Variants in FAF1 observed in about 807,000 individuals in gnomAD.
The protein encoded by FAF1 is Fas associated factor 1, also known as FAS-associated factor 1.
A neutral mutation model predicts 92.5 loss-of-function variants in FAF1; 25 were observed. The ratio of observed to expected loss-of-function variants is 0.27; its 90% CI spans 0.20 to 0.38. The LOEUF (loss-of-function observed/expected upper bound fraction) is 0.38, where lower values mean the gene tolerates loss of function less well. Among genes scored for constraint, FAF1 ranks in the 10% least tolerant of loss-of-function variants. FAF1 has a pLI of 1.00. For synonymous variants in FAF1, 234 were observed against 273.2 expected (o/e 0.86, Z 1.42); for missense variants, 636 against 793.3 (o/e 0.80, Z 2.38).
intron 18 of FAF1, among the ~76,000 whole-genome samples, chr1:50,444,419 T>C (rs1004592884): frequency 6.6e-6 from 1 of 152,204 alleles, no homozygotes; most frequent in Non-Finnish European, 1.5e-5. Flanking sequence ...CAGCCCTCTT[T>C]GAATATCTGA....
At chr1:50,518,982 A>C (rs939430068) in intron 15 of FAF1, among the ~76,000 whole-genome samples, 8 of 152,120 alleles carry the variant, frequency 5.3e-5, no homozygotes, top group African/African-American at 1.9e-4. Flanking sequence ...CAAGCAGTGA[A>C]TTTCTTCAGT....
At position 50,531,477 on chromosome 1, in the gene FAF1, A is replaced by C. The variant is rs893941657; in HGVS notation, c.1494+3892T>G. 5.3e-5 allele frequency among the ~76,000 whole-genome samples: 8 copies of C among 152,292 alleles called. No homozygotes were observed. The East Asian group carries it at 7.7e-4, about 15-fold the overall frequency. ...TGTTAGGAAGCATCTATTATTTGGAATCAGGCTTTAGGCAAAAATAGATTC... is the reference window on the plus strand; with the variant it reads ...TGTTAGGAAGCATCTATTATTTGGACTCAGGCTTTAGGCAAAAATAGATTC... On this transcript the variant is annotated intron_variant, in intron 15 of 18. Coordinates refer to ENST00000396153, the MANE Select transcript of FAF1 (RefSeq NM_007051.3).
rs559219997 is a variant in FAF1, at chr1:50,618,772, A to G, written c.745-22556T>C. 2.8e-3 allele frequency among the ~76,000 whole-genome samples: 422 copies of G among 149,476 alleles called. 1 individual carries two copies. The highest frequency in any genetic ancestry group is 6.5e-3 in the Admixed American group (98 of 15,002). ...GCTTGCTTTTTTTTTTTTTTGAGAC[A>G]GAGTCTCACTCTGTCGCCCAGGCTG... On this transcript the variant is annotated intron_variant, in intron 8 of 18. Transcript: ENST00000396153.
intron 2 of FAF1, among the ~76,000 whole-genome samples, chr1:50,845,282 C>T (rs1332169338): frequency 1.3e-5 from 2 of 152,204 alleles, no homozygotes; most frequent in Non-Finnish European, 2.9e-5. Context: ...CGTAAGGATA[C>T]CCAGTATTCT....
At chr1:50,846,984 C>T (rs912152517) in intron 2 of FAF1, 7 of 235,308 alleles carry the variant, frequency 3.0e-5, no homozygotes, top group Non-Finnish European at 5.8e-5. Context: ...ATATTTTTAG[C>T]CCTTGATCCC....
chr1:50,449,473 G>A (rs1029858971), intron 18 of FAF1, among the ~76,000 whole-genome samples: 2 of 150,734 alleles, frequency 1.3e-5, no homozygotes, highest in African/African-American at 2.4e-5. Context: ...GAACTTGGGG[G>A]AACAACTTTT....
At position 50,898,789 on chromosome 1, in the gene FAF1, G is replaced by C. The variant is rs1026279427; in HGVS notation, c.46-40792C>G. The stretch of plus-strand genomic sequence containing the variant: ...TCCTTTGACTGTTCTTAAATTTTTC[G>C]ATTTTCACAGGTTTTAAGCAATTTG... On this transcript the variant is annotated intron_variant, in intron 1 of 18. Transcript: ENST00000396153. 3.6e-4 allele frequency among the ~76,000 whole-genome samples: 54 copies of C among 151,932 alleles called. 1 individual carries two copies. Among genetic ancestry groups the C allele is most frequent in the African/African-American group, 1.3e-3 (54 of 41,388 alleles).
intron 4 of FAF1, among the ~76,000 whole-genome samples, chr1:50,763,907 T>C (rs1202199447): frequency 6.6e-6 from 1 of 152,208 alleles, no homozygotes; most frequent in Non-Finnish European, 1.5e-5. Flanking sequence ...CAATTAAGAA[T>C]GTCCATAATT....
chr1:50,750,823 A>G (rs1480657155), intron 4 of FAF1, among the ~76,000 whole-genome samples: 1 of 150,988 alleles, frequency 6.6e-6, no homozygotes, highest in Non-Finnish European at 1.5e-5. Context: ...GGGGTTAACC[A>G]TGCAGGCCAG....
At chr1:50,562,066 A>C (rs1649943613) in intron 13 of FAF1, among the ~76,000 whole-genome samples, 1 of 152,206 alleles carries the variant, frequency 6.6e-6, no homozygotes. Flanking sequence ...AGGCAAGAGA[A>C]GGATGGGGAG....
At chr1:50,858,545 C>T (rs1008781214) in intron 1 of FAF1, among the ~76,000 whole-genome samples, 1 of 151,752 alleles carries the variant, frequency 6.6e-6, no homozygotes, top group African/African-American at 2.4e-5. Flanking sequence ...ACGAAATACA[C>T]ACCAGGTAAG....
At chr1:50,783,462 T>C (rs1661255187) in intron 4 of FAF1, among the ~76,000 whole-genome samples, 1 of 152,242 alleles carries the variant, frequency 6.6e-6, no homozygotes, top group South Asian at 2.1e-4. Context: ...CTCAACAAAA[T>C]ATTAGCGAAA....
intron 15 of FAF1, among the ~76,000 whole-genome samples, chr1:50,530,277 A>G (rs867527662): frequency 9.5e-4 from 91 of 95,782 alleles, no homozygotes; most frequent in African/African-American, 1.3e-3. Flanking sequence ...GTGTGTGTGT[A>G]TGTATATATG....
At chr1:50,687,196 A>G (rs1406813468) in intron 7 of FAF1, among the ~76,000 whole-genome samples, 1 of 152,074 alleles carries the variant, frequency 6.6e-6, no homozygotes, top group Non-Finnish European at 1.5e-5. Context: ...TCCTTTTCGG[A>G]ATAATTTTTT....
At chr1:50,871,564 T>G (rs1281125694) in intron 1 of FAF1, among the ~76,000 whole-genome samples, 1 of 152,200 alleles carries the variant, frequency 6.6e-6, no homozygotes, top group Non-Finnish European at 1.5e-5. Context: ...GCTCTCTAAA[T>G]GGAACAACAA....
chr1:50,958,908 C>T (rs1645293145), intron 1 of FAF1, among the ~76,000 whole-genome samples: 1 of 152,182 alleles, frequency 6.6e-6, no homozygotes, highest in Non-Finnish European at 1.5e-5. Context: ...AATTCCTTCA[C>T]CAAACATCAA....
chr1:50,907,676 T>C (rs1305851696), intron 1 of FAF1, among the ~76,000 whole-genome samples: 1 of 152,222 alleles, frequency 6.6e-6, no homozygotes, highest in Non-Finnish European at 1.5e-5. Flanking sequence ...TAGAGTTGTT[T>C]ATAGTATTCT....
chr1:50,654,500 T>G (rs1655014731), intron 8 of FAF1, among the ~76,000 whole-genome samples: 1 of 152,052 alleles, frequency 6.6e-6, no homozygotes, highest in Non-Finnish European at 1.5e-5. Context: ...TGAGTGGAAA[T>G]GACAGAGATA....
chr1:50,635,895 C>T (rs759622687), intron 8 of FAF1, among the ~76,000 whole-genome samples: 14 of 152,154 alleles, frequency 9.2e-5, no homozygotes, highest in South Asian at 6.2e-4. Context: ...GCCATCCATG[C>T]CTCTTGGTAT....
Sources: gnomAD v4.1 joint callset for allele counts (sites outside exome capture counted in the v4.1 genomes callset) on GRCh38, gnomAD v4.1.1 for gene constraint, MANE v1.5 for transcripts, NCBI Gene and HGNC (gene_info 2026-07-23, HGNC 2026-07-21) for gene names.